Variants in GLCCI1 observed in about 807,000 individuals in gnomAD.
GLCCI1 encodes the protein glucocorticoid-induced transcript 1 protein.
In GLCCI1, 24 loss-of-function variants were observed where a neutral mutation model predicts 52.2. The observed-to-expected ratio is 0.46, with a 90% CI of 0.33 to 0.65. The LOEUF (loss-of-function observed/expected upper bound fraction) is 0.65, where lower values mean the gene tolerates loss of function less well. Ranked by LOEUF, GLCCI1 falls within the 30% of genes least tolerant of loss-of-function variation. The pLI, the probability that GLCCI1 is intolerant of heterozygous loss-of-function variation, is 0.02. For synonymous variants in GLCCI1, 310 were observed against 276.5 expected, an observed-to-expected ratio of 1.12 and a Z score of -1.20; for missense variants, 704 against 701.5, an observed-to-expected ratio of 1.00 and a Z score of -0.04.
chr7:8,002,720 T>A (rs1012189068), intron 1 of GLCCI1, among the ~76,000 whole-genome samples: 3 of 152,334 alleles, frequency 2.0e-5, no homozygotes, highest in East Asian at 1.9e-4. Context: ...CTGAAAAGAG[T>A]TAGCCTTGGG....
At position 8,037,361 on chromosome 7, in the gene GLCCI1, C is replaced by T. The variant is rs74509842; in HGVS notation, c.696+14792C>T. On this transcript the variant is annotated intron_variant, in intron 3 of 7. Transcript: ENST00000223145. ...CGTGAATGCCAAAGGAATTCATCAC[C>T]ACTAGACTGGTCCTACAAGAAATGC... Among the ~76,000 whole-genome samples, 396 of 152,264 alleles carry T rather than the reference C, an allele frequency of 2.6e-3. 3 individuals carry two copies. Among genetic ancestry groups the T allele is most frequent in the Non-Finnish European group, 3.4e-3 (229 of 68,006 alleles).
Position 8,078,041 on chromosome 7 carries a change from T to C in GLCCI1, c.1178-6856T>C, listed in dbSNP as rs907490923. Among the ~76,000 whole-genome samples, 74 of 151,918 alleles carry C rather than the reference T, an allele frequency of 4.9e-4. 1 individual carries two copies. The highest frequency in any genetic ancestry group is 1.6e-3 in the East Asian group (8 of 5,152). Reference sequence around the variant, plus strand: ...CGAGGTCAGGAAATCGAGACCATCCTGGCTAACACGGTGAAACCCCGTCTC... The same window carrying C: ...CGAGGTCAGGAAATCGAGACCATCCCGGCTAACACGGTGAAACCCCGTCTC... On this transcript the variant is annotated intron_variant, in intron 6 of 7. Coordinates refer to ENST00000223145, the MANE Select transcript of GLCCI1 (RefSeq NM_138426.4).
intron 5 of GLCCI1, among the ~76,000 whole-genome samples, chr7:8,066,084 A>G (rs935297591): frequency 6.6e-6 from 1 of 151,996 alleles, no homozygotes; most frequent in African/African-American, 2.4e-5. Flanking sequence ...CAGAACCATT[A>G]TTGTTCCATT....
chr7:8,070,872 A>T, intron 5 of GLCCI1, 49 bp from the exon 6 acceptor site: 3 of 1,491,782 alleles, frequency 2.0e-6, no homozygotes, highest in Non-Finnish European at 1.9e-6. Context: ...TTCTATGTAG[A>T]TGAATATATG....
chr7:8,067,387 A>T (rs903924949), intron 5 of GLCCI1, among the ~76,000 whole-genome samples: 2 of 152,288 alleles, frequency 1.3e-5, no homozygotes, highest in Admixed American at 6.5e-5. Flanking sequence ...TTCAAGGTTA[A>T]TATTGATATG....
At chr7:8,059,952 A>C in intron 4 of GLCCI1, 144 bp from the exon 5 acceptor site, 1 of 631,912 alleles carries the variant, frequency 1.6e-6, no homozygotes, top group Non-Finnish European at 2.6e-6. Context: ...CTAAATTTCT[A>C]TATGTGCACC....
intron 1 of GLCCI1, chr7:7,980,519 A>C (rs1780591430): frequency 2.4e-6 from 1 of 412,512 alleles, no homozygotes; most frequent in African/African-American, 2.1e-5. Flanking sequence ...TGCCTTATTC[A>C]CAGTATACAA....
chr7:8,030,378 A>G (rs1375096630), intron 3 of GLCCI1, among the ~76,000 whole-genome samples: 1 of 152,188 alleles, frequency 6.6e-6, no homozygotes, highest in Admixed American at 6.5e-5. Flanking sequence ...ACCTTATACA[A>G]AAATAAAATC....
At chr7:7,990,369 G>A (rs1022566169) in intron 1 of GLCCI1, among the ~76,000 whole-genome samples, 1 of 152,080 alleles carries the variant, frequency 6.6e-6, no homozygotes, top group Non-Finnish European at 1.5e-5. Context: ...AGTTCAATCG[G>A]TAATATCAAT....
chr7:7,989,149 T>G (rs538009914), intron 1 of GLCCI1, among the ~76,000 whole-genome samples: 8 of 152,292 alleles, frequency 5.3e-5, no homozygotes, highest in Non-Finnish European at 1.0e-4. Context: ...GATAAGGCAC[T>G]AATTTTTTAT....
intron 6 of GLCCI1, among the ~76,000 whole-genome samples, chr7:8,078,207 T>C (rs1562452766): frequency 2.1e-5 from 1 of 48,132 alleles, no homozygotes; most frequent in African/African-American, 9.5e-5. Flanking sequence ...AGACTCCGTC[T>C]TAAAAAAAAA....
At chr7:8,065,391 T>G (rs1285848471) in intron 5 of GLCCI1, among the ~76,000 whole-genome samples, 1 of 152,198 alleles carries the variant, frequency 6.6e-6, no homozygotes, top group South Asian at 2.1e-4. Context: ...GTGGCTGTCT[T>G]TTATTTCTTT....
In GLCCI1 at chr7:7,978,199, A is replaced by G. The variant is rs572774122; in HGVS notation, c.457+8392A>G. Among the ~76,000 whole-genome samples the G allele has an allele frequency of 9.2e-5, 14 of 152,312 alleles. No individual in the cohort carries two copies. The South Asian group carries it at 1.4e-3, about 16-fold the overall frequency. ...TTTATTTTTAAAAACTTCCTTTCACATGAAATTTCAAAATCTGGGTAGAAT... is the reference window on the plus strand; with the variant it reads ...TTTATTTTTAAAAACTTCCTTTCACGTGAAATTTCAAAATCTGGGTAGAAT... On this transcript the variant is annotated intron_variant, in intron 1 of 7. Coordinates refer to ENST00000223145, the MANE Select transcript of GLCCI1 (RefSeq NM_138426.4).
intron 3 of GLCCI1, among the ~76,000 whole-genome samples, chr7:8,023,001 T>G (rs905959380): frequency 1.3e-5 from 2 of 152,170 alleles, no homozygotes; most frequent in Non-Finnish European, 2.9e-5. Flanking sequence ...AATGGTAGGA[T>G]AGTGTTTTCT....
intron 1 of GLCCI1, among the ~76,000 whole-genome samples, chr7:7,991,368 T>A (rs955378410): frequency 6.6e-6 from 1 of 152,110 alleles, no homozygotes; most frequent in Non-Finnish European, 1.5e-5. Context: ...GTATTATATT[T>A]AGCTGTTCTT....
rs139132257 is a variant in GLCCI1 at position 8,079,390 on chromosome 7, C to T, written c.1178-5507C>T. 4.8e-5 allele frequency among the ~76,000 whole-genome samples: 7 copies of T among 147,036 alleles called. No homozygotes were observed. In the South Asian group the frequency reaches 6.2e-4, roughly 13 times the overall value. ...GATTTTCTTGAGATACCTACTTTTGCGCAAGATACAAAATATTTTGTGCAA... is the reference window on the plus strand; with the variant it reads ...GATTTTCTTGAGATACCTACTTTTGTGCAAGATACAAAATATTTTGTGCAA... On this transcript the variant is annotated intron_variant, in intron 6 of 7. Coordinates refer to ENST00000223145, the MANE Select transcript of GLCCI1 (RefSeq NM_138426.4).
At chr7:8,006,843 A>G (rs763955696) in intron 2 of GLCCI1, among the ~76,000 whole-genome samples, 18 of 152,040 alleles carry the variant, frequency 1.2e-4, no homozygotes, top group Non-Finnish European at 2.6e-4. Context: ...CTACCCTACA[A>G]TCTATTCTGT....
intron 6 of GLCCI1, among the ~76,000 whole-genome samples, chr7:8,071,780 A>G (rs1782766942): frequency 6.6e-6 from 1 of 152,166 alleles, no homozygotes; most frequent in South Asian, 2.1e-4. Context: ...AGAAGGCCAT[A>G]TAGACTGCCC....
chr7:7,986,836 G>A (rs1324174462), intron 1 of GLCCI1, among the ~76,000 whole-genome samples: 1 of 152,142 alleles, frequency 6.6e-6, no homozygotes, highest in African/African-American at 2.4e-5. Flanking sequence ...CTTCCTACTA[G>A]CATAATCTTT....
Sources: allele counts gnomAD v4.1 joint callset (sites outside exome capture counted in the v4.1 genomes callset), GRCh38; gene constraint gnomAD v4.1.1; transcripts MANE v1.5; gene names NCBI Gene and HGNC (gene_info 2026-07-23, HGNC 2026-07-21).